The following CEP112 variants were observed in gnomAD, a reference collection of about 807,000 sequenced individuals.
The protein encoded by CEP112 is centrosomal protein of 112 kDa.
Under a neutral mutation model 153.0 loss-of-function variants are expected in CEP112, and 127 were observed. The ratio of observed to expected loss-of-function variants is 0.83; its 90% CI spans 0.72 to 0.96. CEP112 has a LOEUF of 0.96. Among genes scored for constraint, CEP112 ranks in the 40% least tolerant of loss-of-function variants. CEP112 has a pLI of 0.00. For synonymous variants in CEP112, 358 were observed against 374.4 expected, an observed-to-expected ratio of 0.96 and a Z score of 0.51; for missense variants, 1,089 against 1,101.2, an observed-to-expected ratio of 0.99 and a Z score of 0.16.
Position 65,723,662 on chromosome 17 carries a change from C to T in CEP112, c.2607+19406G>A, listed in dbSNP as rs116534256. ...ATGCTTGTCTCTAAGAATGCTGCTG[C>T]TTTGTTTTATGAACTAGTCTATTTG... is the stretch of plus-strand genomic sequence containing the variant. On this transcript the variant is annotated intron_variant, in intron 23 of 26. Transcript: ENST00000535342. 9.9e-3 allele frequency among the ~76,000 whole-genome samples: 1,509 copies of T among 152,316 alleles called. 26 individuals are homozygous for T. The highest frequency in any genetic ancestry group is 0.034 in the African/African-American group (1,430 of 41,572).
intron 20 of CEP112, among the ~76,000 whole-genome samples, chr17:65,874,546 T>C (rs1172180991): frequency 1.3e-5 from 2 of 152,148 alleles, no homozygotes; most frequent in Non-Finnish European, 2.9e-5. Flanking sequence ...GTACTTCCCA[T>C]GTATTGGCAA....
chr17:65,833,383 G>T (rs1038944502), intron 21 of CEP112, among the ~76,000 whole-genome samples: 6 of 152,108 alleles, frequency 3.9e-5, no homozygotes, highest in Non-Finnish European at 8.8e-5. Flanking sequence ...CAGAAATAAA[G>T]GACATCCGAA....
At chr17:65,956,096 G>A (rs1221758672) in intron 18 of CEP112, among the ~76,000 whole-genome samples, 1 of 152,058 alleles carries the variant, frequency 6.6e-6, no homozygotes, top group East Asian at 1.9e-4. Flanking sequence ...ACCATAACAG[G>A]CCACAAAACG....
At chr17:65,886,261 T>C (rs1039098084) in intron 20 of CEP112, among the ~76,000 whole-genome samples, 3 of 152,114 alleles carry the variant, frequency 2.0e-5, no homozygotes, top group African/African-American at 4.8e-5. Context: ...TTAATGGTAG[T>C]TCAAAGGCTG....
chr17:66,118,531 T>C (rs1048490918), intron 6 of CEP112, among the ~76,000 whole-genome samples: 1 of 151,990 alleles, frequency 6.6e-6, no homozygotes, highest in Non-Finnish European at 1.5e-5. Context: ...CATGGAGGTA[T>C]AAAATAGAAT....
At chr17:65,839,315 C>CA (rs1169305698) in intron 21 of CEP112, among the ~76,000 whole-genome samples, 1 of 151,992 alleles carries the variant, frequency 6.6e-6, no homozygotes, top group Non-Finnish European at 1.5e-5. Context: ...TCATCATGAT[C>CA]AAGTGGGATT....
chr17:66,000,197 T>C (rs570329291), intron 17 of CEP112, among the ~76,000 whole-genome samples: 1 of 152,078 alleles, frequency 6.6e-6, no homozygotes, highest in South Asian at 2.1e-4. Flanking sequence ...AGTGTATAAG[T>C]GTTCCTTTTT....
At chr17:66,025,983 C>T (rs1456659261) in intron 16 of CEP112, among the ~76,000 whole-genome samples, 5 of 131,840 alleles carry the variant, frequency 3.8e-5, no homozygotes, top group Non-Finnish European at 5.0e-5. Flanking sequence ...CACACACACA[C>T]CCCATTTGTA....
chr17:66,190,128 G>C (rs551807958), intron 1 of CEP112, among the ~76,000 whole-genome samples: 1 of 151,880 alleles, frequency 6.6e-6, no homozygotes, highest in Non-Finnish European at 1.5e-5. Context: ...TCAGGAGTTC[G>C]AGACAAGCCT....
intron 11 of CEP112, among the ~76,000 whole-genome samples, chr17:66,062,218 T>C (rs891523202): frequency 7.3e-5 from 11 of 150,950 alleles, no homozygotes; most frequent in Admixed American, 3.9e-4. Flanking sequence ...GACTAATACA[T>C]AGTGGACAAT....
intron 21 of CEP112, among the ~76,000 whole-genome samples, chr17:65,849,459 C>T (rs2057847550): frequency 1.3e-5 from 2 of 152,082 alleles, no homozygotes; most frequent in South Asian, 2.1e-4. Context: ...TGGGATAATG[C>T]CTTTCTGGAA....
At chr17:65,970,499 CAT>C (rs1568315067) in intron 17 of CEP112, among the ~76,000 whole-genome samples, 1 of 121,366 alleles carries the variant, frequency 8.2e-6, no homozygotes, top group Non-Finnish European at 1.7e-5. Flanking sequence ...ACACTACATG[CAT>C]ATTATATGCA....
At chr17:66,104,617 T>C (rs1204330361) in intron 6 of CEP112, among the ~76,000 whole-genome samples, 1 of 152,044 alleles carries the variant, frequency 6.6e-6, no homozygotes, top group Admixed American at 6.6e-5. Flanking sequence ...AAAGGGAACA[T>C]TGTCTTTCAC....
At chr17:65,826,533 T>A in intron 21 of CEP112, 1 of 1,346,522 alleles carries the variant, frequency 7.4e-7, no homozygotes, top group African/African-American at 1.5e-5. Flanking sequence ...CAGTTCCTGA[T>A]GTCAGCTAAT....
intron 8 of CEP112, among the ~76,000 whole-genome samples, chr17:66,094,767 TC>T (rs1284688092): frequency 6.6e-6 from 1 of 152,074 alleles, no homozygotes; most frequent in Non-Finnish European, 1.5e-5. Context: ...GGGGTTAACA[TC>T]CAAAATATAT....
intron 16 of CEP112, among the ~76,000 whole-genome samples, chr17:66,011,565 C>T (rs115432262): frequency 0.016 from 2,412 of 152,182 alleles, 65 homozygotes; most frequent in African/African-American, 0.055. Context: ...ATTTTTAATG[C>T]ACTGTGGTCC....
intron 17 of CEP112, among the ~76,000 whole-genome samples, chr17:65,974,754 T>G (rs112838945): frequency 6.6e-5 from 10 of 152,158 alleles, no homozygotes; most frequent in African/African-American, 2.4e-4. Context: ...GAGAAAACAA[T>G]GAGATATGCA....
chr17:65,934,459 A>T (rs1238243628), intron 18 of CEP112, among the ~76,000 whole-genome samples: 1 of 152,254 alleles, frequency 6.6e-6, no homozygotes, highest in African/African-American at 2.4e-5. Context: ...AAAGATAGCA[A>T]GTGAGGAAGA....
chr17:66,022,104 A>G (rs2065021997), intron 16 of CEP112, among the ~76,000 whole-genome samples: 2 of 152,158 alleles, frequency 1.3e-5, no homozygotes, highest in African/African-American at 2.4e-5. Flanking sequence ...CCTTCCAGGT[A>G]CACCACTACT....
Sources: allele counts gnomAD v4.1 joint callset (sites outside exome capture counted in the v4.1 genomes callset), GRCh38; gene constraint gnomAD v4.1.1; transcripts MANE v1.5; gene names NCBI Gene and HGNC (gene_info 2026-07-23, HGNC 2026-07-21).